The following ANGPT2 variants were observed in gnomAD, a reference collection of about 807,000 sequenced individuals.
The protein encoded by ANGPT2 is angiopoietin-2.
Under a neutral mutation model 62.9 loss-of-function variants are expected in ANGPT2, and 28 were observed. The ratio of observed to expected loss-of-function variants is 0.44; its 90% confidence interval spans 0.33 to 0.61. ANGPT2 has a LOEUF of 0.61. Ranked by LOEUF, ANGPT2 falls within the 20% of genes least tolerant of loss-of-function variation. The pLI, the probability that ANGPT2 is intolerant of heterozygous loss-of-function variation, is 0.03. For missense variants in ANGPT2, 727 were observed against 594.9 expected, an observed-to-expected ratio of 1.22 and a Z score of -2.31; for synonymous variants, 284 against 207.8, an observed-to-expected ratio of 1.37 and a Z score of -3.15.
intron 7 of ANGPT2, among the ~76,000 whole-genome samples, chr8:6,510,209 G>T: frequency 6.7e-6 from 1 of 150,104 alleles, no homozygotes; most frequent in African/African-American, 2.5e-5. Context: ...CTGCTGCAAA[G>T]AAGCTTCTTG....
intron 1 of ANGPT2, among the ~76,000 whole-genome samples, chr8:6,533,657 CA>C (rs1258915615): frequency 6.9e-6 from 1 of 145,508 alleles, no homozygotes; most frequent in African/African-American, 2.5e-5. Flanking sequence ...CGTGAGTGCA[CA>C]AACCATGTTT....
intron 3 of ANGPT2, among the ~76,000 whole-genome samples, chr8:6,523,327 T>C (rs1192829144): frequency 3.9e-5 from 6 of 152,108 alleles, no homozygotes; most frequent in African/African-American, 1.4e-4. Flanking sequence ...TTTAGAGAGC[T>C]GGTAAAATTA....
chr8:6,524,018 C>T (rs1255301922), intron 3 of ANGPT2, among the ~76,000 whole-genome samples: 1 of 152,002 alleles, frequency 6.6e-6, no homozygotes, highest in Non-Finnish European at 1.5e-5. Flanking sequence ...TCAATATCTT[C>T]ATTTTGTTTG....
chr8:6,560,903 C>G (rs1227100807), intron 1 of ANGPT2, among the ~76,000 whole-genome samples: 1 of 152,190 alleles, frequency 6.6e-6, no homozygotes, highest in South Asian at 2.1e-4. Flanking sequence ...GCCTAGCATT[C>G]TTTTATGTTT....
chr8:6,502,963 G>A lies in ANGPT2; in HGVS notation c.*138C>T. ...GATAAAGTTTACAGGCTCTAATCTG[G>A]AGCATGTGGGTCCCGTCAGCACCGA... On this transcript the variant is annotated 3_prime_UTR_variant, in exon 9 of 9. Transcript: ENST00000629816. The A allele has an allele frequency of 6.3e-6, 6 of 950,132 alleles. No homozygotes were observed. The South Asian group carries it at 1.0e-4, about 16-fold the overall frequency. The allele number at this position is 950,132 out of a possible 1,614,324, so 58.9% of individuals were successfully genotyped here.
chr8:6,536,684 T>G (rs1297224059), intron 1 of ANGPT2, among the ~76,000 whole-genome samples: 1 of 152,126 alleles, frequency 6.6e-6, no homozygotes, highest in Non-Finnish European at 1.5e-5. Flanking sequence ...CATTTCCAAA[T>G]AAAGATGTCC....
rs895762412 is a variant in ANGPT2 at position 6,553,821 on chromosome 8, C to G, written c.288+8826G>C. ...ATGTCAGACGGTCCTTATAAAGTCC[C>G]ACGTGATTCAGCCACTGAGGATGGC... On this transcript the variant is annotated intron_variant, in intron 1 of 8. Transcript: ENST00000629816. Among the ~76,000 whole-genome samples the G allele has an allele frequency of 3.3e-5, 5 of 152,208 alleles. No homozygotes were observed. In the South Asian group the frequency reaches 6.2e-4, roughly 19 times the overall value.
rs184100341 is a variant in ANGPT2 at position 6,516,015 on chromosome 8, C to T, written c.928-1237G>A. 6.6e-5 allele frequency among the ~76,000 whole-genome samples: 10 copies of T among 152,338 alleles called. No individual in the cohort carries two copies. The East Asian group carries it at 1.9e-3, about 29-fold the overall frequency. ...ACTGTCCCTGGAACAGCCTGGTCTG[C>T]AGGGGACTTCTCCCCAGCATGGTTC... On this transcript the variant is annotated intron_variant, in intron 5 of 8. Transcript: ENST00000629816.
intron 1 of ANGPT2, among the ~76,000 whole-genome samples, chr8:6,556,313 T>C (rs1267666727): frequency 6.6e-6 from 1 of 152,210 alleles, no homozygotes; most frequent in Non-Finnish European, 1.5e-5. Flanking sequence ...CTTTTTGTCA[T>C]TCTTTGTATA....
At chr8:6,508,305 C>G (rs897020080) in intron 8 of ANGPT2, 1 of 152,338 alleles carries the variant, frequency 6.6e-6, no homozygotes, top group East Asian at 1.9e-4. Context: ...CAAAATTAGC[C>G]GGGTGCACTG....
In ANGPT2 at chr8:6,503,048, G is replaced by A. The variant is rs534344603; in HGVS notation, c.*53C>T. 11 of 1,604,440 alleles carry A rather than the reference G, an allele frequency of 6.9e-6. No homozygotes were observed. Among genetic ancestry groups the A allele is most frequent in the South Asian group, 1.1e-5 (1 of 89,332 alleles). On this transcript the variant is annotated 3_prime_UTR_variant, in exon 9 of 9. Coordinates refer to ENST00000629816, the MANE Select transcript of ANGPT2 (RefSeq NM_001118887.2). ...CGCAGCCGTGACTTTCAGTGCACTG[G>A]GCTTAAGTCTTTGAAAATAGTTCGA... is the stretch of plus-strand genomic sequence containing the variant.
chr8:6,536,548 A>G (rs1387477739), intron 1 of ANGPT2, among the ~76,000 whole-genome samples: 2 of 152,206 alleles, frequency 1.3e-5, no homozygotes, highest in African/African-American at 4.8e-5. Flanking sequence ...ATTAAAGATG[A>G]CCAATGCCAA....
rs1811934893 is a variant in ANGPT2 at position 6,500,440 on chromosome 8, C to G, written c.*2661G>C. 6.4e-6 allele frequency: 1 copy of G among 156,050 alleles called. No homozygotes were observed. The highest frequency in any genetic ancestry group is 2.4e-5 in the African/African-American group (1 of 41,428). 9.7% of individuals were successfully genotyped at this position (156,050 alleles called of 1,614,324 possible). On this transcript the variant is annotated 3_prime_UTR_variant, in exon 9 of 9. Transcript: ENST00000629816. ...GGATAATTTAAAGTTTGCTTGGATA[C>G]AGGATTGTGCAGAAGTTGCCTTTCA... is the stretch of plus-strand genomic sequence containing the variant.
chr8:6,515,967 C>G (rs1816190611), intron 5 of ANGPT2, among the ~76,000 whole-genome samples: 1 of 152,216 alleles, frequency 6.6e-6, no homozygotes, highest in East Asian at 1.9e-4. Flanking sequence ...TGCCTGATGC[C>G]TCATTGCCAG....
chr8:6,504,553 A>T (rs1471245530), intron 8 of ANGPT2, among the ~76,000 whole-genome samples: 1 of 152,142 alleles, frequency 6.6e-6, no homozygotes, highest in Non-Finnish European at 1.5e-5. Context: ...ATTTGACTTA[A>T]TAATGGCCCC....
At chr8:6,521,821 C>A (rs936199851) in intron 3 of ANGPT2, among the ~76,000 whole-genome samples, 1 of 152,170 alleles carries the variant, frequency 6.6e-6, no homozygotes, top group Admixed American at 6.5e-5. Flanking sequence ...AGGATATTAG[C>A]TTTCTCCTAA....
Position 6,519,468 on chromosome 8 carries a change from A to G in ANGPT2, c.927+396T>C, listed in dbSNP as rs1215293324. 2.6e-5 allele frequency among the ~76,000 whole-genome samples: 4 copies of G among 152,234 alleles called. No homozygotes were observed. The East Asian group carries it at 5.8e-4, about 22-fold the overall frequency. The stretch of plus-strand genomic sequence containing the variant: ...TGACTTTGACACAGCAGTAGAAATT[A>G]TTAATTTCATGACACCTCTATGGCT... On this transcript the variant is annotated intron_variant, in intron 5 of 8. Transcript: ENST00000629816.
At chr8:6,553,893 C>T (rs1448141350) in intron 1 of ANGPT2, among the ~76,000 whole-genome samples, 2 of 151,992 alleles carry the variant, frequency 1.3e-5, no homozygotes, top group African/African-American at 4.8e-5. Flanking sequence ...CGTATTTTCG[C>T]CTTTTGCTGT....
intron 1 of ANGPT2, among the ~76,000 whole-genome samples, chr8:6,547,125 G>A (rs1822743491): frequency 6.6e-6 from 1 of 151,370 alleles, no homozygotes; most frequent in Admixed American, 6.6e-5. Context: ...AAACTCATGT[G>A]GCCTATTTCT....
Sources: allele counts gnomAD v4.1 joint callset (sites outside exome capture counted in the v4.1 genomes callset), GRCh38; gene constraint gnomAD v4.1.1; transcripts MANE v1.5; gene names NCBI Gene and HGNC (gene_info 2026-07-23, HGNC 2026-07-21).